POMT2: variants seen among roughly 807,000 people sequenced by gnomAD.
POMT2 encodes the protein protein O-mannosyltransferase 2, also known as protein O-mannosyl-transferase 2.
POMT2 carries 75 observed loss-of-function variants against 100.0 expected under a neutral mutation model. The observed-to-expected ratio is 0.75, with a 90% confidence interval of 0.62 to 0.91. The LOEUF (loss-of-function observed/expected upper bound fraction) is 0.91, where lower values mean the gene tolerates loss of function less well. Among genes scored for constraint, POMT2 ranks in the 40% least tolerant of loss-of-function variants. The pLI, the probability that POMT2 is intolerant of heterozygous loss-of-function variation, is 0.00. For missense variants in POMT2, 940 were observed against 955.1 expected, an observed-to-expected ratio of 0.98 and a Z score of 0.21; for synonymous variants, 378 against 374.1, an observed-to-expected ratio of 1.01 and a Z score of -0.12.
At chr14:77,320,077 T>C (rs1378419153) in intron 1 of POMT2, among the ~76,000 whole-genome samples, 1 of 152,132 alleles carries the variant, frequency 6.6e-6, no homozygotes, top group South Asian at 2.1e-4. Flanking sequence ...CCTGCAGACA[T>C]AGGAACTCAG....
Position 77,306,461 on chromosome 14 carries a change from C to CA in POMT2, c.334-21dup. The CA allele has an allele frequency of 6.2e-7, 1 of 1,610,502 alleles. No individual in the cohort carries two copies. ...CAGCATCTGAGGAGAGAAGAACAAACAAAAAGATGAGAAGCCTTTGGGAGA... is the reference window on the plus strand; with the variant it reads ...CAGCATCTGAGGAGAGAAGAACAAACAAAAAAGATGAGAAGCCTTTGGGAGA... On this transcript the variant is annotated intron_variant, in intron 2 of 20. Coordinates refer to ENST00000261534, the MANE Select transcript of POMT2 (RefSeq NM_013382.7).
intron 15 of POMT2, among the ~76,000 whole-genome samples, chr14:77,281,138 A>ATAAT (rs1455228773): frequency 2.3e-5 from 3 of 132,118 alleles, no homozygotes; most frequent in Admixed American, 7.5e-5. Context: ...AAATAAATAA[A>ATAAT]TAATAAGGCT....
At chr14:77,318,435 T>C (rs1891705044) in intron 1 of POMT2, among the ~76,000 whole-genome samples, 1 of 152,188 alleles carries the variant, frequency 6.6e-6, no homozygotes, top group Non-Finnish European at 1.5e-5. Flanking sequence ...CAGACCTCCC[T>C]CATAGGTGTG....
chr14:77,320,520 C>G lies in POMT2; in HGVS notation c.162G>C (p.Ala54=), dbSNP rs2270420. The G allele has an allele frequency of 1.9e-6, 3 of 1,553,848 alleles. No individual in the cohort carries two copies. The highest frequency in any genetic ancestry group is 2.6e-6 in the Non-Finnish European group (3 of 1,154,288). ...RPAWGSRRFE[A]VGWWALLALV... The stretch of plus-strand genomic sequence containing the variant: ...AGGCCAGCAGGGCCCACCAGCCGAC[C>G]GCCTCGAAGCGCCGTGAGCCCCAAG... Residue 54 remains alanine (A), a synonymous_variant, in exon 1 of 21, where the codon GCG becomes GCC. Transcript: ENST00000261534.
At chr14:77,283,713 G>GTA in intron 15 of POMT2, 84 bp downstream of exon 15, 1 of 1,176,938 alleles carries the variant, frequency 8.5e-7, no homozygotes, top group East Asian at 2.3e-5. Context: ...GAATGGATCT[G>GTA]TAGCATGGCA....
chr14:77,280,153 T>TGGTC, intron 16 of POMT2, 73 bp from the exon 17 acceptor site: 1 of 1,610,714 alleles, frequency 6.2e-7, no homozygotes, highest in Non-Finnish European at 8.5e-7. Context: ...GGGAGGAAGA[T>TGGTC]GGTCACCTTC....
chr14:77,308,757 T>C, intron 2 of POMT2: 1 of 454,534 alleles, frequency 2.2e-6, no homozygotes, highest in Admixed American at 2.4e-5. Context: ...TACAACATCT[T>C]TGCAGGAAAA....
At chr14:77,310,167 G>A (rs1283095776) in intron 2 of POMT2, among the ~76,000 whole-genome samples, 1 of 152,246 alleles carries the variant, frequency 6.6e-6, no homozygotes, top group Non-Finnish European at 1.5e-5. Flanking sequence ...ATGTTCTGTT[G>A]TTTAATTCTA....
intron 2 of POMT2, among the ~76,000 whole-genome samples, chr14:77,310,864 G>A (rs146713277): frequency 2.0e-5 from 3 of 152,186 alleles, no homozygotes; most frequent in Non-Finnish European, 4.4e-5. Context: ...GGCCAGGTGC[G>A]GTGGCTTGCC....
At chr14:77,312,176 A>C in intron 1 of POMT2, 143 bp from the exon 2 acceptor site, 1 of 1,365,278 alleles carries the variant, frequency 7.3e-7, no homozygotes, top group Non-Finnish European at 9.7e-7. Context: ...AAATATTTTG[A>C]CACAAGTGAT....
chr14:77,283,667 C>A, intron 15 of POMT2, 130 bp downstream of exon 15: 1 of 850,728 alleles, frequency 1.2e-6, no homozygotes, highest in South Asian at 1.3e-5. Context: ...CACAGAAAAC[C>A]GTAGTAAAGA....
intron 9 of POMT2, 31 bp from the exon 10 acceptor site, chr14:77,291,411 G>T: frequency 9.9e-7 from 1 of 1,014,988 alleles, no homozygotes; most frequent in Non-Finnish European, 1.5e-6. Flanking sequence ...GAGGGAAGAG[G>T]AAGCAGGAGG....
chr14:77,298,690 T>C lies in POMT2; in HGVS notation c.1005A>G (p.Glu335=), dbSNP rs1383641719. Residue 335 remains glutamate, a splice_region_variant and synonymous_variant, in exon 8 of 21, where the codon GAA becomes GAG. Transcript: ENST00000261534. ...TTGTAATGGCCCAGAGACACTCACG[T>C]TCAGGGATGGAAGCATTGTGCAGGT... ...GNNLHNASIP[E]HLAYGSVITV... is the part of the protein sequence containing the mutation. 1 of 1,613,688 alleles carries C rather than the reference T, an allele frequency of 6.2e-7. No homozygotes were observed. Among genetic ancestry groups the C allele is most frequent in the African/African-American group, 1.3e-5 (1 of 74,906 alleles).
intron 1 of POMT2, among the ~76,000 whole-genome samples, chr14:77,317,424 A>G (rs1363765781): frequency 6.6e-6 from 1 of 152,202 alleles, no homozygotes; most frequent in Non-Finnish European, 1.5e-5. Context: ...CTACAGTCTG[A>G]CACTGGCATA....
intron 9 of POMT2, among the ~76,000 whole-genome samples, chr14:77,293,098 A>G (rs1051232316): frequency 3.3e-5 from 5 of 152,224 alleles, no homozygotes; most frequent in Admixed American, 2.0e-4. Context: ...AAAATTAGGG[A>G]TAATGTTATT....
In POMT2 at chr14:77,295,011, A is replaced by G. The variant is rs150689290; in HGVS notation, c.1116+1153T>C. Among the ~76,000 whole-genome samples the G allele has an allele frequency of 1.2e-3, 190 of 152,304 alleles. 1 individual carries two copies. The highest frequency in any genetic ancestry group is 4.3e-3 in the African/African-American group (178 of 41,576). ...CCTTGTGAGCTATCACATTTCCACTAAAGTTACCTTTCTAAACTAGAGATC... is the reference window on the plus strand; with the variant it reads ...CCTTGTGAGCTATCACATTTCCACTGAAGTTACCTTTCTAAACTAGAGATC... On this transcript the variant is annotated intron_variant, in intron 9 of 20. Transcript: ENST00000261534.
chr14:77,279,128 A>C, intron 18 of POMT2: 1 of 555,250 alleles, frequency 1.8e-6, no homozygotes, highest in Non-Finnish European at 3.2e-6. Flanking sequence ...CCTCTAAAGA[A>C]ACCCTTCTGC....
rs759392806 is a variant in POMT2 at position 77,306,375 on chromosome 14, C to T, written c.400G>A (p.Asp134Asn). The change falls in exon 3 of 21, where the codon GAT (aspartate) becomes AAT (asparagine). Residue 134 changes from aspartate to asparagine, a missense_variant. Transcript: ENST00000261534. ...ATGTAGCTGTGATGCTCATATTTATCCCCAGGCTTCTGGAACAAAAAGGTA... is the reference window on the plus strand; with the variant it reads ...ATGTAGCTGTGATGCTCATATTTATTCCCAGGCTTCTGGAACAAAAAGGTA... The part of the protein sequence containing the change: ...DGTFLFQKPG[D>N]KYEHHSYMGM... The T allele has an allele frequency of 1.9e-6, 3 of 1,613,216 alleles. No individual in the cohort carries two copies. The South Asian group carries it at 3.3e-5, about 18-fold the overall frequency.
chr14:77,319,278 C>T (rs2363642), intron 1 of POMT2, among the ~76,000 whole-genome samples: 45,450 of 151,992 alleles, frequency 0.3, 6,995 homozygotes, highest in East Asian at 0.43. Flanking sequence ...TGTAAGCTGG[C>T]CTTATTCTGC....
Sources: gnomAD v4.1 joint callset for allele counts (sites outside exome capture counted in the v4.1 genomes callset) on GRCh38, gnomAD v4.1.1 for gene constraint, MANE v1.5 for transcripts, NCBI Gene and HGNC (gene_info 2026-07-23, HGNC 2026-07-21) for gene names.